Variants in ITGA8 observed in about 807,000 individuals in gnomAD.
ITGA8 encodes integrin alpha-8.
In ITGA8, 91 loss-of-function variants were observed where a neutral mutation model predicts 142.3. The observed-to-expected ratio is 0.64, with a 90% CI of 0.54 to 0.76. ITGA8 has a LOEUF of 0.76. Ranked by LOEUF, ITGA8 falls within the 30% of genes least tolerant of loss-of-function variation. The pLI is 0.00. For missense variants in ITGA8, 1,406 were observed against 1,327.7 expected, an observed-to-expected ratio of 1.06 and a Z score of -0.92; for synonymous variants, 505 against 485.2, an observed-to-expected ratio of 1.04 and a Z score of -0.54.
intron 6 of ITGA8, among the ~76,000 whole-genome samples, chr10:15,674,115 A>T (rs1324256276): frequency 6.6e-6 from 1 of 152,198 alleles, no homozygotes; most frequent in Non-Finnish European, 1.5e-5. Flanking sequence ...GTCAAACTAG[A>T]TCATAAATAT....
intron 27 of ITGA8, among the ~76,000 whole-genome samples, chr10:15,537,586 A>G (rs193194317): frequency 6.6e-6 from 1 of 152,292 alleles, no homozygotes; most frequent in Non-Finnish European, 1.5e-5. Flanking sequence ...CTTTCACTCA[A>G]TCAGCCTCCT....
intron 23 of ITGA8, among the ~76,000 whole-genome samples, chr10:15,583,183 A>T (rs980699199): frequency 1.3e-5 from 2 of 152,238 alleles, no homozygotes; most frequent in African/African-American, 4.8e-5. Context: ...CTATGCAGCC[A>T]TAAAAAAGGA....
chr10:15,714,244 G>A (rs1224498524), intron 2 of ITGA8, among the ~76,000 whole-genome samples: 2 of 152,156 alleles, frequency 1.3e-5, no homozygotes, highest in African/African-American at 4.8e-5. Flanking sequence ...TTTAGCAGAA[G>A]GGTTACAGCC....
intron 21 of ITGA8, 61 bp from the exon 22 acceptor site, chr10:15,592,365 A>G: frequency 7.8e-7 from 1 of 1,288,816 alleles, no homozygotes; most frequent in East Asian, 2.4e-5. Context: ...ATATTTTGTA[A>G]GTCATTCCTG....
At chr10:15,643,909 G>GGCAT (rs1466327600) in intron 13 of ITGA8, 121 bp downstream of exon 13, 13 of 782,282 alleles carry the variant, frequency 1.7e-5, no homozygotes, top group Non-Finnish European at 5.9e-6. Context: ...AAAAGCCTGT[G>GGCAT]GCATGCTTAA....
Position 15,719,820 on chromosome 10 carries a change from A to C in ITGA8, c.-49T>G. ...TGCTACCCAGGAGCGCGAGCCGAGGACCCCTGCGGGGCAAGGGGGGCTGGT... is the reference window on the plus strand; with the variant it reads ...TGCTACCCAGGAGCGCGAGCCGAGGCCCCCTGCGGGGCAAGGGGGGCTGGT... On this transcript the variant is annotated 5_prime_UTR_variant, in exon 1 of 30. Transcript: ENST00000378076. The C allele has an allele frequency of 3.1e-6, 4 of 1,275,838 alleles. No homozygotes were observed. The highest frequency in any genetic ancestry group is 4.9e-5 in the South Asian group (2 of 41,158). 79.0% of individuals were successfully genotyped at this position (1,275,838 alleles called of 1,614,324 possible). A position where few individuals can be genotyped will look rare whatever the true frequency, so the allele number is the denominator to read the frequency against.
intron 11 of ITGA8, among the ~76,000 whole-genome samples, chr10:15,647,965 G>T (rs1834017772): frequency 6.6e-6 from 1 of 152,160 alleles, no homozygotes; most frequent in Admixed American, 6.5e-5. Context: ...AATTTTTAAG[G>T]TTAAAAAATT....
intron 13 of ITGA8, among the ~76,000 whole-genome samples, chr10:15,629,414 C>G (rs1833644826): frequency 6.6e-6 from 1 of 152,016 alleles, no homozygotes; most frequent in Admixed American, 6.5e-5. Flanking sequence ...TATGTCACCC[C>G]CTCTGCCCCA....
In ITGA8 at chr10:15,691,912, C is replaced by G. The variant is rs191998173; in HGVS notation, c.344-3874G>C. ...ATTATTTCCCAATGTATAAATAGAT[C>G]AAAACATTACATTGTACACGATAAA... On this transcript the variant is annotated intron_variant, in intron 2 of 29. Coordinates refer to ENST00000378076, the MANE Select transcript of ITGA8 (RefSeq NM_003638.3). 1.1e-3 allele frequency among the ~76,000 whole-genome samples: 161 copies of G among 152,148 alleles called. 2 individuals are homozygous for G. The highest frequency in any genetic ancestry group is 1.7e-3 in the Non-Finnish European group (115 of 67,990).
chr10:15,610,417 T>TAGAA (rs1833271496), intron 15 of ITGA8, among the ~76,000 whole-genome samples: 1 of 152,202 alleles, frequency 6.6e-6, no homozygotes, highest in Non-Finnish European at 1.5e-5. Flanking sequence ...AGCTGTAAAC[T>TAGAA]TTCATTAAAT....
chr10:15,662,052 C>A (rs1421346254), intron 8 of ITGA8, among the ~76,000 whole-genome samples: 9 of 152,144 alleles, frequency 5.9e-5, no homozygotes, highest in Non-Finnish European at 7.3e-5. Context: ...CTTTTCCCAT[C>A]CCACAAACAT....
chr10:15,556,470 C>T (rs1833891338), intron 26 of ITGA8, among the ~76,000 whole-genome samples: 1 of 152,178 alleles, frequency 6.6e-6, no homozygotes, highest in Admixed American at 6.5e-5. Flanking sequence ...CGTGCTTGGT[C>T]TGTGCCCCCC....
intron 28 of ITGA8, among the ~76,000 whole-genome samples, chr10:15,523,004 A>C (rs1349098085): frequency 6.7e-6 from 1 of 150,372 alleles, no homozygotes; most frequent in Non-Finnish European, 1.5e-5. Context: ...TGACAGAGCC[A>C]GGCTCAGTCT....
intron 24 of ITGA8, 24 bp downstream of exon 24, chr10:15,575,465 A>T: frequency 6.6e-7 from 1 of 1,521,038 alleles, no homozygotes; most frequent in Non-Finnish European, 9.1e-7. Context: ...CCCCTAACAC[A>T]ACTTTAACAC....
In ITGA8 at chr10:15,584,791, G is replaced by A. The variant is rs537726305; in HGVS notation, c.2372+1793C>T. ...ATTTTGGCCGAGCATGGTGGCTAAG[G>A]CCTGTAATAATCCTAGCACTTTGGG... On this transcript the variant is annotated intron_variant, in intron 23 of 29. Transcript: ENST00000378076. 5.0e-4 allele frequency among the ~76,000 whole-genome samples: 76 copies of A among 152,226 alleles called. 1 individual carries two copies. The highest frequency in any genetic ancestry group is 3.4e-3 in the Middle Eastern group (1 of 294).
intron 21 of ITGA8, chr10:15,596,564 C>T (rs1833014569): frequency 6.6e-6 from 1 of 152,298 alleles, no homozygotes; most frequent in Non-Finnish European, 1.5e-5. Context: ...AGTGAGCTTA[C>T]TGTAGTTTCA....
intron 10 of ITGA8, among the ~76,000 whole-genome samples, chr10:15,658,621 C>G (rs1047707985): frequency 1.3e-5 from 2 of 152,176 alleles, no homozygotes; most frequent in African/African-American, 4.8e-5. Context: ...TCATTCACAT[C>G]TCAGCCCAGA....
At chr10:15,669,485 T>A (rs891236212) in intron 8 of ITGA8, among the ~76,000 whole-genome samples, 2 of 152,058 alleles carry the variant, frequency 1.3e-5, no homozygotes, top group African/African-American at 4.8e-5. Flanking sequence ...TAGCTCAGAG[T>A]AGTTTGATCT....
intron 29 of ITGA8, 42 bp downstream of exon 29, chr10:15,519,248 A>G: frequency 1.2e-6 from 2 of 1,607,844 alleles, no homozygotes; most frequent in Non-Finnish European, 1.7e-6. Flanking sequence ...TTCCCTCAAC[A>G]GCCCCTCTAG....
Sources: gnomAD v4.1 joint callset for allele counts (sites outside exome capture counted in the v4.1 genomes callset) on GRCh38, gnomAD v4.1.1 for gene constraint, MANE v1.5 for transcripts, NCBI Gene and HGNC (gene_info 2026-07-23, HGNC 2026-07-21) for gene names.